FURIN: variants seen among roughly 807,000 people sequenced by gnomAD.
FURIN encodes the protein furin, paired basic amino acid cleaving enzyme.
Under a neutral mutation model 89.2 loss-of-function variants are expected in FURIN, and 18 were observed. The ratio of observed to expected loss-of-function variants is 0.20; its 90% confidence interval spans 0.14 to 0.30. The LOEUF (loss-of-function observed/expected upper bound fraction) is 0.30. Among genes scored for constraint, FURIN ranks in the 10% least tolerant of loss-of-function variants. The probability of loss-of-function intolerance (pLI) is 1.00; values close to 1 mark genes in which losing one functional copy is unlikely to be tolerated. For missense variants in FURIN, 879 were observed against 1,100.5 expected, an observed-to-expected ratio of 0.80 and a Z score of 2.85; for synonymous variants, 508 against 466.4, an observed-to-expected ratio of 1.09 and a Z score of -1.15.
rs1194715360 is a variant in FURIN, at chr15:90,881,757, G to A, written c.2264G>A (p.Gly755Asp). The change falls in exon 16 of 16, where the codon GGC becomes GAC. Residue 755 changes from glycine to aspartate, a missense_variant. Coordinates refer to ENST00000268171, the MANE Select transcript of FURIN (RefSeq NM_002569.4). This position sits in a 1 kb window ranked among gnomAD's most constrained non-coding sequence, Gnocchi z 4.3. ...RGVKVYTMDRGLISYKGLPPE... is the reference protein window; with the variant it reads ...RGVKVYTMDRDLISYKGLPPE... Reference sequence around the variant, plus strand: ...GTGAAGGTGTACACCATGGACCGTGGCCTCATCTCCTACAAGGGGCTGCCC... The same window carrying A: ...GTGAAGGTGTACACCATGGACCGTGACCTCATCTCCTACAAGGGGCTGCCC... 2.5e-6 allele frequency: 4 copies of A among 1,611,922 alleles called. No individual in the cohort carries two copies. In the Admixed American group the frequency reaches 5.0e-5, roughly 20 times the overall value.
At chr15:90,869,759 A>G (rs1179945091) in intron 1 of FURIN, among the ~76,000 whole-genome samples, 1 of 152,204 alleles carries the variant, frequency 6.6e-6, no homozygotes, top group Non-Finnish European at 1.5e-5. Flanking sequence ...GCCAGTCTCC[A>G]GGATGGGTGG....
In FURIN at chr15:90,875,591, T is replaced by C. The variant is rs2031566335; in HGVS notation, c.-150T>C. ...CTCTTGTTCCTCTCAGGGTCGGCAC[T>C]CTTCACCCTCCCGAGCCCTGCCCGT... On this transcript the variant is annotated 5_prime_UTR_variant, in exon 2 of 16. Transcript: ENST00000268171. The C allele has an allele frequency of 1.6e-6, 1 of 626,592 alleles. No individual in the cohort carries two copies. The highest frequency in any genetic ancestry group is 3.2e-5 in the Admixed American group (1 of 31,690). 38.8% of individuals were successfully genotyped at this position (626,592 alleles called of 1,614,324 possible). A position where few individuals can be genotyped will look rare whatever the true frequency, so the allele number is the denominator to read the frequency against.
In FURIN at chr15:90,878,770, G is replaced by A. The variant is rs780246482; in HGVS notation, c.847G>A (p.Gly283Arg). ...CAGCCCACTCTGTCCACAGGGCCGA[G>A]GGGGGCTGGGCTCCATCTTTGTCTG... The part of the protein sequence containing the change: ...AFFRGVSQGR[G>R]GLGSIFVWAS... Residue 283 changes from glycine (G) to arginine (R), a missense_variant, in exon 9 of 16, where the codon GGG becomes AGG. Transcript: ENST00000268171. The A allele has an allele frequency of 3.8e-6, 6 of 1,597,302 alleles. No individual in the cohort carries two copies. Among genetic ancestry groups the A allele is most frequent in the Admixed American group, 3.3e-5 (2 of 59,972 alleles).
intron 1 of FURIN, among the ~76,000 whole-genome samples, chr15:90,873,485 G>T (rs998084064): frequency 2.6e-5 from 4 of 152,166 alleles, no homozygotes; most frequent in African/African-American, 9.7e-5. Flanking sequence ...ACGGTGGTTG[G>T]TGGTGGTGGG....
intron 1 of FURIN, among the ~76,000 whole-genome samples, chr15:90,871,243 C>T (rs1470785136): frequency 6.6e-6 from 1 of 152,202 alleles, no homozygotes; most frequent in African/African-American, 2.4e-5. Context: ...CTCGGAGTGC[C>T]TCCCCCAAGC....
rs150925934 is a variant in FURIN at position 90,880,107 on chromosome 15, C to T, written c.1390C>T (p.Arg464Trp). ...TCTCCTGCACAGAGACATCGGGAAACGGCTCGAGGTGCGGAAGACCGTGAC... is the reference window on the plus strand; with the variant it reads ...TCTCCTGCACAGAGACATCGGGAAATGGCTCGAGGTGCGGAAGACCGTGAC... Reference protein sequence around the residue: ...ILTEPKDIGKRLEVRKTVTAC... With the variant: ...ILTEPKDIGKWLEVRKTVTAC... Residue 464 changes from arginine to tryptophan, a missense_variant, in exon 13 of 16, where the codon CGG becomes TGG. Arg to Trp is a moderately radical substitution (Grantham distance 101, BLOSUM62 -3). Transcript: ENST00000268171. 1.2e-3 allele frequency: 1,965 copies of T among 1,605,218 alleles called. 3 individuals are homozygous for T. Among genetic ancestry groups the T allele is most frequent in the Non-Finnish European group, 1.5e-3 (1,802 of 1,174,460 alleles).
At position 90,880,687 on chromosome 15, in the gene FURIN, C is replaced by A; in HGVS notation, c.1557-4C>A. 1.2e-6 allele frequency: 2 copies of A among 1,611,636 alleles called. No individual in the cohort carries two copies. The highest frequency in any genetic ancestry group is 1.7e-6 in the Non-Finnish European group (2 of 1,178,660). The stretch of plus-strand genomic sequence containing the variant: ...CTCAGGGCTGTGTGCACTCCCCTCC[C>A]CAGGCCACATGACTACTCCGCAGAT... On this transcript the variant is annotated splice_polypyrimidine_tract_variant and splice_region_variant and intron_variant, in intron 13 of 15. Coordinates refer to ENST00000268171, the MANE Select transcript of FURIN (RefSeq NM_002569.4).
chr15:90,880,293 C>G lies in FURIN; in HGVS notation c.1556+20C>G. On this transcript the variant is annotated intron_variant, in intron 13 of 15. Coordinates refer to ENST00000268171, the MANE Select transcript of FURIN (RefSeq NM_002569.4). ...AGCCAGGTGCTTGCTCTGTCCCTGC[C>G]CGCCCTGCCCAGCGCCGCCGCCTCT... 3 of 1,578,160 alleles carry G rather than the reference C, an allele frequency of 1.9e-6. No individual in the cohort carries two copies. Among genetic ancestry groups the G allele is most frequent in the Non-Finnish European group, 2.6e-6 (3 of 1,159,406 alleles).
chr15:90,872,263 G>C (rs1445177840), intron 1 of FURIN, among the ~76,000 whole-genome samples: 1 of 152,088 alleles, frequency 6.6e-6, no homozygotes, highest in Non-Finnish European at 1.5e-5. Flanking sequence ...CGGCCTGGCC[G>C]AGGCCCCTGT....
chr15:90,869,941 A>G (rs2031210865), intron 1 of FURIN, among the ~76,000 whole-genome samples: 2 of 152,198 alleles, frequency 1.3e-5, no homozygotes, highest in Admixed American at 6.5e-5. Context: ...TGACTGCTGG[A>G]GTATTGTTCT....
At chr15:90,871,972 G>A (rs1032116757) in intron 1 of FURIN, among the ~76,000 whole-genome samples, 1 of 151,382 alleles carries the variant, frequency 6.6e-6, no homozygotes, top group Admixed American at 6.6e-5. Flanking sequence ...CTCAGGAAGC[G>A]CCTGCGGGGC....
At chr15:90,874,949 G>A (rs1342050326) in intron 1 of FURIN, among the ~76,000 whole-genome samples, 1 of 151,700 alleles carries the variant, frequency 6.6e-6, no homozygotes, top group South Asian at 2.1e-4. Context: ...CCTTGATCAT[G>A]GTGAACATTT....
At chr15:90,877,277 G>T in intron 6 of FURIN, 66 bp downstream of exon 6, 1 of 1,321,314 alleles carries the variant, frequency 7.6e-7, no homozygotes, top group Non-Finnish European at 1.0e-6. Flanking sequence ...ACAGGGCTGA[G>T]CCTGGGTGAG....
In FURIN at chr15:90,881,407, C is replaced by T. The variant is rs1047133633; in HGVS notation, c.1914C>T (p.Ala638=). The T allele has an allele frequency of 2.5e-6, 4 of 1,612,702 alleles. No individual in the cohort carries two copies. The highest frequency in any genetic ancestry group is 3.4e-6 in the Non-Finnish European group (4 of 1,179,966). The change falls in exon 16 of 16, where the codon GCC becomes GCT. Residue 638 remains alanine (A), a synonymous_variant. Coordinates refer to ENST00000268171, the MANE Select transcript of FURIN (RefSeq NM_002569.4). The surrounding 1 kb of genome is among the most constrained non-coding windows in gnomAD (Gnocchi z 4.3). ...AGAATGACGTGGAGACCATCCGGGC[C>T]AGCGTCTGCGCCCCCTGCCACGCCT... ...STENDVETIR[A]SVCAPCHASC... is the part of the protein sequence containing the mutation.
rs772626695 is a variant in FURIN at position 90,876,608 on chromosome 15, C to T, written c.372+51C>T. 1 of 1,184,900 alleles carries T rather than the reference C, an allele frequency of 8.4e-7. No homozygotes were observed. Among genetic ancestry groups the T allele is most frequent in the Non-Finnish European group, 1.3e-6 (1 of 793,442 alleles). The allele number at this position is 1,184,900 out of a possible 1,614,324, so 73.4% of individuals were successfully genotyped here. ...ACCTCCTCCCCAGATGCACCATCCACCCACTATGAGCTCTTGGATGGAGGA... is the reference window on the plus strand; with the variant it reads ...ACCTCCTCCCCAGATGCACCATCCATCCACTATGAGCTCTTGGATGGAGGA... On this transcript the variant is annotated intron_variant, in intron 4 of 15. Coordinates refer to ENST00000268171, the MANE Select transcript of FURIN (RefSeq NM_002569.4). This position sits in a 1 kb window ranked among gnomAD's most constrained non-coding sequence, Gnocchi z 5.0.
chr15:90,870,600 C>T (rs924494190), intron 1 of FURIN, among the ~76,000 whole-genome samples: 2 of 152,178 alleles, frequency 1.3e-5, no homozygotes, highest in Non-Finnish European at 2.9e-5. Context: ...AATAACCCAG[C>T]CTGGGAAGCT....
At chr15:90,877,457 C>A in intron 6 of FURIN, 70 bp from the exon 7 acceptor site, 1 of 1,283,470 alleles carries the variant, frequency 7.8e-7, no homozygotes, top group East Asian at 2.5e-5. Flanking sequence ...CCTCGTGCTC[C>A]TCAGGCCACA....
Position 90,876,287 on chromosome 15 carries a change from A to G in FURIN, c.210A>G (p.Arg70=). The change falls in exon 3 of 16, where the codon CGA becomes CGG. Residue 70 remains arginine, a synonymous_variant. Transcript: ENST00000268171. This position sits in a 1 kb window ranked among gnomAD's most constrained non-coding sequence, Gnocchi z 5.0. Reference sequence around the variant, plus strand: ...GGGACTATTACCACTTCTGGCATCGAGGAGTGACGAAGCGGTCCCTGTCGC... The same window carrying G: ...GGGACTATTACCACTTCTGGCATCGGGGAGTGACGAAGCGGTCCCTGTCGC... ...IFGDYYHFWH[R]GVTKRSLSPH... is the part of the protein sequence containing the mutation. The G allele has an allele frequency of 1.2e-6, 2 of 1,612,250 alleles. No homozygotes were observed. Among genetic ancestry groups the G allele is most frequent in the Non-Finnish European group, 1.7e-6 (2 of 1,178,594 alleles).
rs2031644330 is a variant in FURIN, at chr15:90,876,614, A to G, written c.372+57A>G. On this transcript the variant is annotated intron_variant, in intron 4 of 15. Transcript: ENST00000268171. The surrounding 1 kb of genome is among the most constrained non-coding windows in gnomAD (Gnocchi z 5.0). The stretch of plus-strand genomic sequence containing the variant: ...TCCCCAGATGCACCATCCACCCACT[A>G]TGAGCTCTTGGATGGAGGAGGCTGT... 1.1e-5 allele frequency: 13 copies of G among 1,140,260 alleles called. No homozygotes were observed. The highest frequency in any genetic ancestry group is 1.5e-5 in the Non-Finnish European group (11 of 754,396). 70.6% of individuals were successfully genotyped at this position (1,140,260 alleles called of 1,614,324 possible).
Sources: gnomAD v4.1 joint callset for allele counts (sites outside exome capture counted in the v4.1 genomes callset) on GRCh38, gnomAD v4.1.1 for gene constraint, Gnocchi (gnomAD v3.1) non-coding constraint, MANE v1.5 for transcripts, NCBI Gene and HGNC (gene_info 2026-07-23, HGNC 2026-07-21) for gene names.